The following EYS variants were observed in gnomAD, a reference collection of about 807,000 sequenced individuals.
EYS encodes the protein EGF-like photoreceptor maintenance factor, also known as protein eyes shut homolog.
A neutral mutation model predicts 282.1 loss-of-function variants in EYS; 250 were observed. The observed-to-expected ratio is 0.89, with a 90% CI of 0.80 to 0.98. The LOEUF (loss-of-function observed/expected upper bound fraction) is 0.98. EYS is among the 50% of genes least tolerant of loss of function. The pLI is 0.00. For synonymous variants in EYS, 1,355 were observed against 1,282.9 expected (o/e 1.06, Z -1.20); for missense variants, 4,016 against 3,709.0 (o/e 1.08, Z -2.15).
intron 24 of EYS, among the ~76,000 whole-genome samples, chr6:64,596,068 A>G (rs1766575837): frequency 6.6e-6 from 1 of 151,980 alleles, no homozygotes; most frequent in African/African-American, 2.4e-5. Context: ...CAACAAAGAG[A>G]GAGAGAGCCA....
intron 30 of EYS, among the ~76,000 whole-genome samples, chr6:64,243,569 T>C (rs1766908220): frequency 6.6e-6 from 1 of 152,114 alleles, no homozygotes; most frequent in African/African-American, 2.4e-5. Context: ...TCTTCATACA[T>C]CTCATTCCAT....
chr6:65,278,439 T>C (rs772568553), intron 12 of EYS, among the ~76,000 whole-genome samples: 31 of 147,560 alleles, frequency 2.1e-4, no homozygotes, highest in Non-Finnish European at 3.3e-4. Flanking sequence ...TGGAGAACCC[T>C]AATACAGCAG....
chr6:65,421,924 T>A (rs1409078414), intron 5 of EYS, among the ~76,000 whole-genome samples: 1 of 151,858 alleles, frequency 6.6e-6, no homozygotes, highest in East Asian at 1.9e-4. Flanking sequence ...ACATCAAAGA[T>A]CAATGATCAC....
intron 22 of EYS, among the ~76,000 whole-genome samples, chr6:64,664,041 G>A (rs1451013143): frequency 6.6e-6 from 1 of 152,214 alleles, no homozygotes; most frequent in African/African-American, 2.4e-5. Context: ...TGCCCGATCT[G>A]GAGGGATGGA....
Position 63,743,817 on chromosome 6 carries a change from C to T in EYS, c.8072-17137G>A, listed in dbSNP as rs193197441. ...ACAATCTAAAAAGGAAGAGAAATCT[C>T]CACACTTCTGCCAAAAACAACCAAC... On this transcript the variant is annotated intron_variant, in intron 41 of 42. Transcript: ENST00000503581. Among the ~76,000 whole-genome samples the T allele has an allele frequency of 1.4e-4, 21 of 152,246 alleles. No homozygotes were observed. In the East Asian group the frequency reaches 4.1e-3, roughly 29 times the overall value.
At chr6:64,219,954 T>C (rs1454998218) in intron 31 of EYS, among the ~76,000 whole-genome samples, 2 of 152,104 alleles carry the variant, frequency 1.3e-5, no homozygotes, top group Non-Finnish European at 1.5e-5. Flanking sequence ...TAGCGCATGT[T>C]CTCACTCATG....
intron 28 of EYS, among the ~76,000 whole-genome samples, chr6:64,401,379 T>C (rs1028768260): frequency 6.6e-6 from 1 of 152,012 alleles, no homozygotes; most frequent in Non-Finnish European, 1.5e-5. Flanking sequence ...AAAAATTGAT[T>C]CCATCAGTCA....
chr6:64,946,382 C>A (rs1769290037), intron 14 of EYS, among the ~76,000 whole-genome samples: 1 of 151,918 alleles, frequency 6.6e-6, no homozygotes, highest in South Asian at 2.1e-4. Flanking sequence ...GACTTTTGGT[C>A]AATTAAAATC....
intron 26 of EYS, among the ~76,000 whole-genome samples, chr6:64,467,923 C>T (rs1048693318): frequency 3.9e-5 from 6 of 152,142 alleles, no homozygotes; most frequent in Non-Finnish European, 8.8e-5. Flanking sequence ...AATGACACTG[C>T]TGCCACTCAT....
At chr6:64,469,497 A>T (rs982641981) in intron 26 of EYS, among the ~76,000 whole-genome samples, 1 of 152,112 alleles carries the variant, frequency 6.6e-6, no homozygotes, top group Non-Finnish European at 1.5e-5. Context: ...GGCCATACAG[A>T]GATAGGAGCT....
At chr6:64,148,536 G>A (rs2150292613) in intron 31 of EYS, among the ~76,000 whole-genome samples, 1 of 152,236 alleles carries the variant, frequency 6.6e-6, no homozygotes, top group Admixed American at 6.6e-5. Flanking sequence ...CAATAGTTAA[G>A]TTGCTTACAG....
At chr6:64,772,175 A>G (rs1390843354) in intron 22 of EYS, among the ~76,000 whole-genome samples, 1 of 151,666 alleles carries the variant, frequency 6.6e-6, no homozygotes, top group African/African-American at 2.4e-5. Flanking sequence ...CAGTCTAACT[A>G]ATCTGTTTTT....
At chr6:65,136,991 C>A (rs1301537870) in intron 12 of EYS, among the ~76,000 whole-genome samples, 1 of 151,992 alleles carries the variant, frequency 6.6e-6, no homozygotes, top group Admixed American at 6.6e-5. Flanking sequence ...CAATTTATTT[C>A]TTTTTTAATT....
Position 65,231,081 on chromosome 6 carries a change from AT to A in EYS, c.2023+64781del, listed in dbSNP as rs1488517478. ...TATATATGTACTTTTATATATATAT[AT>A]GTGTATATATATATACTTTTATATA... On this transcript the variant is annotated intron_variant, in intron 12 of 42. Transcript: ENST00000503581. 5.4e-3 allele frequency among the ~76,000 whole-genome samples: 184 copies of A among 33,890 alleles called. 1 individual carries two copies. Among genetic ancestry groups the A allele is most frequent in the Middle Eastern group, 0.015 (1 of 66 alleles). 22.2% of individuals were successfully genotyped at this position (33,890 alleles called of 152,430 possible).
chr6:64,121,134 T>G (rs1773575444), intron 31 of EYS, among the ~76,000 whole-genome samples: 1 of 152,160 alleles, frequency 6.6e-6, no homozygotes, highest in South Asian at 2.1e-4. Context: ...CCAGCAGGAA[T>G]GCATCTCTCC....
chr6:64,376,833 G>T (rs1772577179), intron 29 of EYS, among the ~76,000 whole-genome samples: 2 of 152,120 alleles, frequency 1.3e-5, no homozygotes, highest in Non-Finnish European at 1.5e-5. Flanking sequence ...TCATTGACTT[G>T]CTTCCTTTCC....
At chr6:64,061,140 G>C (rs963925522) in intron 33 of EYS, among the ~76,000 whole-genome samples, 1 of 152,102 alleles carries the variant, frequency 6.6e-6, no homozygotes, top group Non-Finnish European at 1.5e-5. Context: ...CTAAGGAAGG[G>C]GGAATAGGCT....
chr6:64,158,350 T>G (rs998143362), intron 31 of EYS, among the ~76,000 whole-genome samples: 5 of 151,766 alleles, frequency 3.3e-5, no homozygotes, highest in Non-Finnish European at 7.3e-5. Flanking sequence ...TCTGTTTTTT[T>G]CATGTAAAAG....
At chr6:65,112,140 T>C (rs183826142) in intron 12 of EYS, among the ~76,000 whole-genome samples, 63 of 152,296 alleles carry the variant, frequency 4.1e-4, no homozygotes, top group Non-Finnish European at 8.2e-4. Context: ...AATTGTGTTA[T>C]TCTTGGCATT....
Sources: gnomAD v4.1 joint callset for allele counts (sites outside exome capture counted in the v4.1 genomes callset) on GRCh38, gnomAD v4.1.1 for gene constraint, MANE v1.5 for transcripts, NCBI Gene and HGNC (gene_info 2026-07-23, HGNC 2026-07-21) for gene names.